Variants in MEGF11 observed in about 807,000 individuals in gnomAD.
MEGF11 encodes the protein multiple epidermal growth factor-like domains protein 11.
A neutral mutation model predicts 146.6 loss-of-function variants in MEGF11; 126 were observed. That is an observed-to-expected ratio of 0.86 (90% confidence interval 0.74 to 1.00). The LOEUF (loss-of-function observed/expected upper bound fraction) is 1.00. Ranked by LOEUF, MEGF11 falls within the 50% of genes least tolerant of loss-of-function variation. The probability of loss-of-function intolerance (pLI) is 0.00; values close to 1 mark genes in which losing one functional copy is unlikely to be tolerated. For missense variants in MEGF11, 1,509 were observed against 1,521.2 expected (o/e 0.99, Z 0.13); for synonymous variants, 532 against 583.4 (o/e 0.91, Z 1.27).
chr15:66,245,660 T>A (rs1173572055), intron 1 of MEGF11, among the ~76,000 whole-genome samples: 2 of 151,980 alleles, frequency 1.3e-5, no homozygotes, highest in African/African-American at 4.8e-5. Context: ...TGCTTCAGTG[T>A]GATATGAAGG....
intron 1 of MEGF11, among the ~76,000 whole-genome samples, chr15:66,185,289 C>T (rs927111841): frequency 1.4e-4 from 22 of 152,222 alleles, no homozygotes; most frequent in African/African-American, 5.1e-4. Context: ...ACCCACAACC[C>T]GCCCCTGTTC....
At chr15:65,905,297 T>TAC (rs1382095951) in intron 24 of MEGF11, 2 of 152,230 alleles carry the variant, frequency 1.3e-5, no homozygotes, top group East Asian at 3.8e-4. Context: ...TTTTATTGGT[T>TAC]ACTCATGATA....
intron 5 of MEGF11, among the ~76,000 whole-genome samples, chr15:66,006,375 C>T (rs542961321): frequency 6.6e-6 from 1 of 152,220 alleles, no homozygotes; most frequent in Non-Finnish European, 1.5e-5. Context: ...TGGCCTAGAG[C>T]CCTCTGAGGG....
chr15:66,121,104 T>C (rs931035201), intron 3 of MEGF11, among the ~76,000 whole-genome samples: 3 of 152,140 alleles, frequency 2.0e-5, no homozygotes, highest in African/African-American at 7.2e-5. Flanking sequence ...CTTAATAATT[T>C]AGCAAAATAA....
In MEGF11 at chr15:66,230,463, C is replaced by T. The variant is rs75777472; in HGVS notation, c.-9+23142G>A. ...TTACTGGGCATTTTTGGTGATGTGA[C>T]TAGAGACAGTAATAAGAAATTATAA... On this transcript the variant is annotated intron_variant, in intron 1 of 25. Coordinates refer to ENST00000395614, the MANE Select transcript of MEGF11 (RefSeq NM_001385028.1). Among the ~76,000 whole-genome samples the T allele has an allele frequency of 2.2e-3, 331 of 152,264 alleles. 11 individuals are homozygous for T. The East Asian group carries it at 0.06, about 28-fold the overall frequency.
intron 1 of MEGF11, among the ~76,000 whole-genome samples, chr15:66,223,688 G>C (rs780612387): frequency 6.6e-6 from 1 of 152,048 alleles, no homozygotes; most frequent in African/African-American, 2.4e-5. Context: ...GTGCCATTGC[G>C]CTCCAGCCTG....
At chr15:65,978,640 A>G (rs1267569821) in intron 7 of MEGF11, among the ~76,000 whole-genome samples, 1 of 152,066 alleles carries the variant, frequency 6.6e-6, no homozygotes, top group Non-Finnish European at 1.5e-5. Context: ...TCCTGATCCA[A>G]CCTTTCTGCT....
At chr15:66,251,131 C>T (rs987952951) in intron 1 of MEGF11, among the ~76,000 whole-genome samples, 3 of 152,342 alleles carry the variant, frequency 2.0e-5, no homozygotes, top group Middle Eastern at 3.4e-3. Context: ...GAGCAACTGG[C>T]TCTTCTAGCT....
At chr15:65,922,682 C>G in intron 14 of MEGF11, 141 bp downstream of exon 14, 7 of 1,262,498 alleles carry the variant, frequency 5.5e-6, no homozygotes, top group Non-Finnish European at 6.4e-6. Context: ...GACAGAACTG[C>G]AGAGGGAGAG....
chr15:66,224,578 T>C (rs2091807664), intron 1 of MEGF11, among the ~76,000 whole-genome samples: 1 of 148,472 alleles, frequency 6.7e-6, no homozygotes. Context: ...AGTGAGACTC[T>C]GTCTCAAAAA....
chr15:66,122,046 C>T (rs1341409002), intron 3 of MEGF11, among the ~76,000 whole-genome samples: 5 of 152,086 alleles, frequency 3.3e-5, no homozygotes, highest in South Asian at 2.1e-4. Context: ...GAGCAGATCA[C>T]GAGGTCAGGA....
At chr15:66,020,669 A>G (rs1035119086) in intron 5 of MEGF11, among the ~76,000 whole-genome samples, 11 of 152,170 alleles carry the variant, frequency 7.2e-5, no homozygotes, top group African/African-American at 2.2e-4. Flanking sequence ...GGCTGGTCCC[A>G]ATTCCCTCAC....
intron 5 of MEGF11, among the ~76,000 whole-genome samples, chr15:66,009,241 G>GTT (rs10540363): frequency 1.2e-4 from 17 of 143,074 alleles, no homozygotes; most frequent in Middle Eastern, 3.5e-3. Flanking sequence ...GTTAACCTAA[G>GTT]TTTTTTTTTT....
intron 5 of MEGF11, among the ~76,000 whole-genome samples, chr15:66,017,385 A>T (rs2082924604): frequency 6.6e-6 from 1 of 152,264 alleles, no homozygotes; most frequent in South Asian, 2.1e-4. Context: ...CTAAACAGAT[A>T]CGACGGTGCC....
chr15:66,061,396 C>T lies in MEGF11; in HGVS notation c.394+33006G>A, dbSNP rs540052082. 9.3e-4 allele frequency among the ~76,000 whole-genome samples: 141 copies of T among 152,296 alleles called. 1 individual carries two copies. The highest frequency in any genetic ancestry group is 3.4e-3 in the African/African-American group (140 of 41,540). On this transcript the variant is annotated intron_variant, in intron 5 of 25. Transcript: ENST00000395614. ...GGGCTGGAAAGGCTTGACCCCCACA[C>T]GTCAGACTTAGCCTCCTTTACTTGT...
At chr15:66,067,834 G>T (rs2085197992) in intron 5 of MEGF11, among the ~76,000 whole-genome samples, 1 of 152,174 alleles carries the variant, frequency 6.6e-6, no homozygotes, top group Admixed American at 6.5e-5. Flanking sequence ...TTCGCTAAAT[G>T]GTTTGCATGA....
intron 1 of MEGF11, among the ~76,000 whole-genome samples, chr15:66,194,901 C>G (rs1289700166): frequency 6.6e-6 from 1 of 152,086 alleles, no homozygotes; most frequent in African/African-American, 2.4e-5. Context: ...AAGTTTTGAA[C>G]CCCGTTTGTG....
intron 5 of MEGF11, among the ~76,000 whole-genome samples, chr15:65,988,573 CTGGGATATAAGTA>C (rs1223802610): frequency 6.6e-6 from 1 of 152,158 alleles, no homozygotes; most frequent in African/African-American, 2.4e-5. Flanking sequence ...ACAGTGAACA[CTGGGATATAAGTA>C]TCTTTTAGAG....
intron 13 of MEGF11, among the ~76,000 whole-genome samples, chr15:65,928,174 A>G (rs1377873376): frequency 2.0e-5 from 3 of 152,188 alleles, no homozygotes; most frequent in African/African-American, 7.2e-5. Context: ...ACTTACACCA[A>G]CCATATGTCA....
Sources: gnomAD v4.1 joint callset for allele counts (sites outside exome capture counted in the v4.1 genomes callset) on GRCh38, gnomAD v4.1.1 for gene constraint, MANE v1.5 for transcripts, NCBI Gene and HGNC (gene_info 2026-07-23, HGNC 2026-07-21) for gene names.